Variants in SLC9A3 observed in about 807,000 individuals in gnomAD.
The protein encoded by SLC9A3 is solute carrier family 9 member A3, also known as sodium/hydrogen exchanger 3.
A neutral mutation model predicts 86.8 loss-of-function variants in SLC9A3; 37 were observed. The observed-to-expected ratio is 0.43, with a 90% confidence interval of 0.33 to 0.56. SLC9A3 has a LOEUF of 0.56. Among genes scored for constraint, SLC9A3 ranks in the 20% least tolerant of loss-of-function variants. SLC9A3 has a pLI of 0.06. For missense variants in SLC9A3, 1,011 were observed against 1,171.9 expected, an observed-to-expected ratio of 0.86 and a Z score of 2.00; for synonymous variants, 581 against 528.3, an observed-to-expected ratio of 1.10 and a Z score of -1.37.
At chr5:522,454 C>T (rs1464153431) in intron 1 of SLC9A3, among the ~76,000 whole-genome samples, 1 of 152,228 alleles carries the variant, frequency 6.6e-6, no homozygotes, top group Non-Finnish European at 1.5e-5. Context: ...GAGGCCCCAG[C>T]TTGTACAGAA....
rs1738376522 is a variant in SLC9A3 at position 471,891 on chromosome 5, G to A, written c.*1488C>T. ...CTTTTCCCACCAGGGACTCAATGGG[G>A]ACTCAATGTGCAATATTCAGTCAAC... On this transcript the variant is annotated 3_prime_UTR_variant, in exon 17 of 17. Transcript: ENST00000264938. 2.2e-6 allele frequency: 1 copy of A among 456,438 alleles called. No individual in the cohort carries two copies. The highest frequency in any genetic ancestry group is 4.4e-6 in the Non-Finnish European group (1 of 226,900). 28.3% of individuals were successfully genotyped at this position (456,438 alleles called of 1,614,324 possible). A position where few individuals can be genotyped will look rare whatever the true frequency, so the allele number is the denominator to read the frequency against.
chr5:491,901 C>T lies in SLC9A3; in HGVS notation c.382G>A (p.Gly128Ser), dbSNP rs746669869. 7.4e-6 allele frequency: 12 copies of T among 1,611,224 alleles called. No homozygotes were observed. The highest frequency in any genetic ancestry group is 4.5e-5 in the East Asian group (2 of 44,748). Reference protein sequence around the residue: ...YLLPPIVLDAGYFMPNRLFFG... With the variant: ...YLLPPIVLDASYFMPNRLFFG... ...AAGAGGCGGTTGGGCATGAAGTAGC[C>T]GGCGTCCAGCACGATGGGGGGCAGC... The change falls in exon 2 of 17, where the codon GGC becomes AGC. Residue 128 changes from glycine to serine, a missense_variant. By Grantham distance (56) the Gly-to-Ser change is moderately conservative (BLOSUM62 0). Transcript: ENST00000264938. This position sits in a 1 kb window ranked among gnomAD's most constrained non-coding sequence, Gnocchi z 9.2.
intron 1 of SLC9A3, among the ~76,000 whole-genome samples, chr5:518,254 C>G (rs938617938): frequency 2.0e-5 from 3 of 152,054 alleles, no homozygotes; most frequent in African/African-American, 7.3e-5. Flanking sequence ...AGGGATGAAG[C>G]TGGGGTGAGT....
chr5:507,348 T>C (rs1323345301), intron 1 of SLC9A3, among the ~76,000 whole-genome samples: 1 of 64,742 alleles, frequency 1.5e-5, no homozygotes, highest in African/African-American at 6.7e-5. Flanking sequence ...TTTGTATTTT[T>C]AGTAGAGACG....
intron 1 of SLC9A3, among the ~76,000 whole-genome samples, chr5:500,971 G>C (rs1218215482): frequency 6.6e-6 from 1 of 152,198 alleles, no homozygotes; most frequent in African/African-American, 2.4e-5. Flanking sequence ...GCCACAGCCC[G>C]TGTGGCTTCC....
intron 1 of SLC9A3, among the ~76,000 whole-genome samples, chr5:498,020 C>T (rs2126636790): frequency 6.6e-6 from 1 of 152,334 alleles, no homozygotes; most frequent in South Asian, 2.1e-4. Flanking sequence ...CCTGCCTCGG[C>T]CACCGCCCTC....
At chr5:480,168 C>T (rs969071882) in intron 9 of SLC9A3, 11 of 556,506 alleles carry the variant, frequency 2.0e-5, no homozygotes, top group South Asian at 1.0e-4. Context: ...GGCCGTTAGA[C>T]GCATATGAAA....
Position 482,271 on chromosome 5 carries a change from C to T in SLC9A3, c.1357-114G>A, listed in dbSNP as rs534261502. On this transcript the variant is annotated intron_variant, in intron 7 of 16. Coordinates refer to ENST00000264938, the MANE Select transcript of SLC9A3 (RefSeq NM_004174.4). Reference sequence around the variant, plus strand: ...CCGGGGCCCACAGGCGCCCTCCCTGCTCTCCGGGCACCCAGCAACCCGCGC... The same window carrying T: ...CCGGGGCCCACAGGCGCCCTCCCTGTTCTCCGGGCACCCAGCAACCCGCGC... The T allele has an allele frequency of 3.8e-3, 3,096 of 815,074 alleles. 14 individuals carry two copies. The highest frequency in any genetic ancestry group is 5.5e-3 in the Middle Eastern group (22 of 3,970). 50.5% of individuals were successfully genotyped at this position (815,074 alleles called of 1,614,324 possible).
In SLC9A3 at chr5:476,192, C is replaced by A; in HGVS notation, c.2067+10G>T. The A allele has an allele frequency of 1.9e-6, 3 of 1,613,386 alleles. No individual in the cohort carries two copies. Among genetic ancestry groups the A allele is most frequent in the Non-Finnish European group, 2.5e-6 (3 of 1,179,752 alleles). On this transcript the variant is annotated intron_variant, in intron 13 of 16. Coordinates refer to ENST00000264938, the MANE Select transcript of SLC9A3 (RefSeq NM_004174.4). ...CAGCCCCGCCAAGCCTCCTGGTGAC[C>A]CAGCCTTACCCGCTTCTGGGCACGC...
chr5:481,308 C>T (rs1254888331), intron 9 of SLC9A3, among the ~76,000 whole-genome samples: 1 of 152,234 alleles, frequency 6.6e-6, no homozygotes, highest in Non-Finnish European at 1.5e-5. Context: ...GAGAGGGCAT[C>T]TCTATTCCCT....
In SLC9A3 at chr5:472,900, C is replaced by CG; in HGVS notation, c.*478dup. 1.9e-6 allele frequency: 1 copy of CG among 523,496 alleles called. No individual in the cohort carries two copies. Among genetic ancestry groups the CG allele is most frequent in the Non-Finnish European group, 3.5e-6 (1 of 285,354 alleles). The allele number at this position is 523,496 out of a possible 1,614,324, so 32.4% of individuals were successfully genotyped here. On this transcript the variant is annotated 3_prime_UTR_variant, in exon 17 of 17. Transcript: ENST00000264938. ...CCGTTTGGGGCGAGCCTCGGTTTCC[C>CG]GGCAGCGGTGGGAAAGGGCGCGAGC...
At position 524,200 on chromosome 5, in the gene SLC9A3, GC is replaced by G; in HGVS notation, c.122del (p.Gly41AlafsTer70). On this transcript the variant is annotated frameshift_variant, in exon 1 of 17. Coordinates refer to ENST00000264938, the MANE Select transcript of SLC9A3 (RefSeq NM_004174.4). LOFTEE classifies it high-confidence loss of function. ...CCCACTCGAAGGTGACCACCTGGAA[GC>G]CCCCGCTCTCGCCGTGCGCGCCGCC... Reference protein sequence around the residue: ...EPGGAHGESGGFQVVTFEWAH... With the variant: ...EPGGAHGESGXFQVVTFEWAH... The G allele has an allele frequency of 6.5e-7, 1 of 1,536,546 alleles. No homozygotes were observed. The highest frequency in any genetic ancestry group is 8.7e-7 in the Non-Finnish European group (1 of 1,144,602).
At chr5:500,820 G>A (rs970666439) in intron 1 of SLC9A3, among the ~76,000 whole-genome samples, 2 of 150,944 alleles carry the variant, frequency 1.3e-5, no homozygotes, top group African/African-American at 4.9e-5. Flanking sequence ...GGGCAGGCGT[G>A]GATGGGGCTG....
At chr5:515,693 T>C (rs1400455872) in intron 1 of SLC9A3, among the ~76,000 whole-genome samples, 1 of 143,616 alleles carries the variant, frequency 7.0e-6, no homozygotes, top group Non-Finnish European at 1.5e-5. Flanking sequence ...CATTACCGCC[T>C]GCCACTCACA....
intron 1 of SLC9A3, among the ~76,000 whole-genome samples, chr5:501,153 G>A (rs921847139): frequency 2.0e-5 from 3 of 152,190 alleles, no homozygotes; most frequent in Non-Finnish European, 4.4e-5. Flanking sequence ...AAGGGCCGGC[G>A]CTGGCAAACC....
chr5:495,896 C>T (rs1272379966), intron 1 of SLC9A3, among the ~76,000 whole-genome samples: 2 of 60,986 alleles, frequency 3.3e-5, no homozygotes, highest in East Asian at 4.7e-4. Context: ...ACCCTCCCCA[C>T]GCTCCACTCC....
chr5:484,483 G>A (rs1275351560), intron 5 of SLC9A3, 37 bp downstream of exon 5: 2 of 1,602,592 alleles, frequency 1.2e-6, no homozygotes, highest in Admixed American at 1.7e-5. Context: ...CTCGGGAGGA[G>A]GGCGTGGAGA....
In SLC9A3 at chr5:496,233, C is replaced by T. The variant is rs370778361; in HGVS notation, c.212-4162G>A. Among the ~76,000 whole-genome samples the T allele has an allele frequency of 2.6e-5, 4 of 152,156 alleles. No homozygotes were observed. Among genetic ancestry groups the T allele is most frequent in the Non-Finnish European group, 4.4e-5 (3 of 68,042 alleles). ...CGCCTTTCCCATGTGCGGTGGCGTC[C>T]GAGGGCAGCTCCTGCAGTCTTCAGG... On this transcript the variant is annotated intron_variant, in intron 1 of 16. Transcript: ENST00000264938. The surrounding 1 kb of genome is among the most constrained non-coding windows in gnomAD (Gnocchi z 4.7).
chr5:475,365 C>T, intron 15 of SLC9A3, 196 bp downstream of exon 15: 3 of 615,144 alleles, frequency 4.9e-6, no homozygotes, highest in Admixed American at 5.9e-5. Flanking sequence ...GCTCCCTGCC[C>T]GGCCCACGTC....
Sources: allele counts gnomAD v4.1 joint callset (sites outside exome capture counted in the v4.1 genomes callset), GRCh38; gene constraint gnomAD v4.1.1; non-coding constraint Gnocchi (gnomAD v3.1); transcripts MANE v1.5; gene names NCBI Gene and HGNC (gene_info 2026-07-23, HGNC 2026-07-21).